Variants in ABCG1 observed in about 807,000 individuals in gnomAD.
ABCG1 encodes the protein ATP binding cassette subfamily G member 1.
A neutral mutation model predicts 69.2 loss-of-function variants in ABCG1; 29 were observed. The observed-to-expected ratio is 0.42, with a 90% CI of 0.31 to 0.57. The LOEUF (loss-of-function observed/expected upper bound fraction) is 0.57, where lower values mean the gene tolerates loss of function less well. Ranked by LOEUF, ABCG1 falls within the 20% of genes least tolerant of loss-of-function variation. The pLI, the probability that ABCG1 is intolerant of heterozygous loss-of-function variation, is 0.15. For missense variants in ABCG1, 718 were observed against 898.1 expected (o/e 0.80, Z 2.56); for synonymous variants, 370 against 374.8 (o/e 0.99, Z 0.15).
intron 5 of ABCG1, among the ~76,000 whole-genome samples, chr21:42,282,057 G>C (rs1429485044): frequency 6.6e-6 from 1 of 152,246 alleles, no homozygotes; most frequent in Non-Finnish European, 1.5e-5. Context: ...CCTCTGGGCA[G>C]TCTCTGTCCC....
chr21:42,256,872 A>C (rs2068314652), intron 2 of ABCG1, among the ~76,000 whole-genome samples: 1 of 152,240 alleles, frequency 6.6e-6, no homozygotes, highest in Non-Finnish European at 1.5e-5. Context: ...TGGCTATGTC[A>C]GCGCAGCTGT....
chr21:42,292,832 T>TAC (rs2069095419), intron 13 of ABCG1, among the ~76,000 whole-genome samples: 1 of 79,696 alleles, frequency 1.3e-5, no homozygotes, highest in African/African-American at 5.1e-5. Flanking sequence ...CCACACACAC[T>TAC]ACACACCACA....
chr21:42,271,005 A>G (rs1217683412), intron 2 of ABCG1, 65 bp from the exon 3 acceptor site: 29 of 1,163,178 alleles, frequency 2.5e-5, no homozygotes, highest in Non-Finnish European at 3.0e-5. Context: ...GTACTTGAAC[A>G]TTTGCATATT....
At chr21:42,272,388 G>A (rs948801777) in intron 3 of ABCG1, among the ~76,000 whole-genome samples, 10 of 152,354 alleles carry the variant, frequency 6.6e-5, no homozygotes, top group Admixed American at 2.0e-4. Context: ...CAGACCTGGG[G>A]ATCCAGGGGA....
chr21:42,255,584 A>G (rs225378), intron 2 of ABCG1, among the ~76,000 whole-genome samples: 84,989 of 152,110 alleles, frequency 0.56, 24,326 homozygotes, highest in Middle Eastern at 0.71. Context: ...TAATAGGCAG[A>G]AGGAGCGCAC....
rs186019940 is a variant in ABCG1, at chr21:42,291,300, T to C, written c.1494+108T>C. 1 of 1,176,526 alleles carries C rather than the reference T, an allele frequency of 8.5e-7. No individual in the cohort carries two copies. Among genetic ancestry groups the C allele is most frequent in the East Asian group, 2.5e-5 (1 of 40,004 alleles). 72.9% of individuals were successfully genotyped at this position (1,176,526 alleles called of 1,614,324 possible). A position where few individuals can be genotyped will look rare whatever the true frequency, so the allele number is the denominator to read the frequency against. On this transcript the variant is annotated intron_variant, in intron 12 of 14. Coordinates refer to ENST00000398449, the MANE Select transcript of ABCG1 (RefSeq NM_016818.3). This position sits in a 1 kb window ranked among gnomAD's most constrained non-coding sequence, Gnocchi z 6.4. ...GGGATGCAGGGTGACATGGCCCGAC[T>C]TCGGGAGCTCTGGTGGGAGCTGCGG...
Position 42,219,719 on chromosome 21 carries a change from G to C in ABCG1, c.42+415G>C. The C allele has an allele frequency of 9.4e-7, 1 of 1,068,366 alleles. No homozygotes were observed. The highest frequency in any genetic ancestry group is 1.7e-5 in the South Asian group (1 of 59,894). The allele number at this position is 1,068,366 out of a possible 1,614,324, so 66.2% of individuals were successfully genotyped here. On this transcript the variant is annotated intron_variant, in intron 1 of 14. Transcript: ENST00000398449. The surrounding 1 kb of genome is among the most constrained non-coding windows in gnomAD (Gnocchi z 5.3). ...GACTTGAAGAAGGGGAGCCCCGCGC[G>C]CGCGGCTGTGGGCTTGGGGACCGGG...
intron 11 of ABCG1, among the ~76,000 whole-genome samples, chr21:42,290,795 G>C (rs1300385420): frequency 6.6e-6 from 1 of 152,188 alleles, no homozygotes; most frequent in Admixed American, 6.5e-5. Context: ...AGTTTCAGAA[G>C]AGGCAGACTC....
intron 2 of ABCG1, among the ~76,000 whole-genome samples, chr21:42,259,158 G>A (rs909187563): frequency 2.0e-5 from 3 of 152,198 alleles, no homozygotes; most frequent in African/African-American, 7.2e-5. Context: ...CCCCTGCCTG[G>A]GAGACATGTC....
rs1012871678 is a variant in ABCG1 at position 42,252,155 on chromosome 21, G to A, written c.287-18915G>A. On this transcript the variant is annotated intron_variant, in intron 2 of 14. Coordinates refer to ENST00000398449, the MANE Select transcript of ABCG1 (RefSeq NM_016818.3). ...TGTGCCATTGCCCGGACAAGAAGGAGCTGTTGGCTGTCATTCTTTCCAGAA... is the reference window on the plus strand; with the variant it reads ...TGTGCCATTGCCCGGACAAGAAGGAACTGTTGGCTGTCATTCTTTCCAGAA... 3.3e-5 allele frequency among the ~76,000 whole-genome samples: 5 copies of A among 152,330 alleles called. No individual in the cohort carries two copies. The East Asian group carries it at 9.6e-4, about 29-fold the overall frequency.
chr21:42,290,936 A>G (rs191391462), intron 11 of ABCG1, among the ~76,000 whole-genome samples, 156 bp from the exon 12 acceptor site: 115 of 152,334 alleles, frequency 7.5e-4, no homozygotes, highest in Non-Finnish European at 1.4e-3. Flanking sequence ...GGCGTTTTTC[A>G]GGCTAGCAAA....
At chr21:42,246,088 C>T (rs1295500426) in intron 2 of ABCG1, among the ~76,000 whole-genome samples, 1 of 152,150 alleles carries the variant, frequency 6.6e-6, no homozygotes, top group East Asian at 1.9e-4. Context: ...CTGATGAGTA[C>T]AGGGAGGGAG....
Position 42,285,930 on chromosome 21 carries a change from T to TATG in ABCG1, c.909_910insATG (p.Asn303_Leu304insMet). Reference sequence around the variant, plus strand: ...GTGTGTACCGGGGAAAAGTCTGCAATCTTGTGCCATATTTGAGGGATTTGG... The same window carrying TATG: ...GTGTGTACCGGGGAAAAGTCTGCAATATGCTTGTGCCATATTTGAGGGATTTGG... On this transcript the variant is annotated inframe_insertion, in exon 8 of 15. Transcript: ENST00000398449. 1 of 1,614,132 alleles carries TATG rather than the reference T, an allele frequency of 6.2e-7. No individual in the cohort carries two copies. The highest frequency in any genetic ancestry group is 8.5e-7 in the Non-Finnish European group (1 of 1,180,032).
At chr21:42,209,357 T>C (rs895403005) in intron 2 of ABCG1, among the ~76,000 whole-genome samples, 1 of 152,212 alleles carries the variant, frequency 6.6e-6, no homozygotes, top group Non-Finnish European at 1.5e-5. Context: ...TCATGCACAT[T>C]ACAACATTTT....
At chr21:42,224,563 C>A (rs1184676411) in intron 1 of ABCG1, among the ~76,000 whole-genome samples, 2 of 152,176 alleles carry the variant, frequency 1.3e-5, no homozygotes, top group Non-Finnish European at 2.9e-5. Flanking sequence ...TCACTTGGCA[C>A]CTTTAGTTTT....
At position 42,252,411 on chromosome 21, in the gene ABCG1, G is replaced by A. The variant is rs550583301; in HGVS notation, c.287-18659G>A. 3.3e-5 allele frequency among the ~76,000 whole-genome samples: 5 copies of A among 152,288 alleles called. No homozygotes were observed. The South Asian group carries it at 1.0e-3, about 32-fold the overall frequency. ...ATTAAGCAGAACCCAGCTCCTTAAT[G>A]TCTGTGTGTGGACGGGCCAAGTGCG... On this transcript the variant is annotated intron_variant, in intron 2 of 14. Coordinates refer to ENST00000398449, the MANE Select transcript of ABCG1 (RefSeq NM_016818.3).
intron 5 of ABCG1, among the ~76,000 whole-genome samples, chr21:42,278,302 C>T (rs543464490): frequency 6.6e-6 from 1 of 152,240 alleles, no homozygotes; most frequent in African/African-American, 2.4e-5. Flanking sequence ...CCACAACACA[C>T]ACACCACCTC....
chr21:42,296,713 C>T lies in ABCG1; in HGVS notation c.*321C>T. 1 of 375,554 alleles carries T rather than the reference C, an allele frequency of 2.7e-6. No homozygotes were observed. The highest frequency in any genetic ancestry group is 5.0e-6 in the Non-Finnish European group (1 of 198,342). The allele number at this position is 375,554 out of a possible 1,614,324, so 23.3% of individuals were successfully genotyped here. A position where few individuals can be genotyped will look rare whatever the true frequency, so the allele number is the denominator to read the frequency against. On this transcript the variant is annotated 3_prime_UTR_variant, in exon 15 of 15. Coordinates refer to ENST00000398449, the MANE Select transcript of ABCG1 (RefSeq NM_016818.3). The surrounding 1 kb of genome is among the most constrained non-coding windows in gnomAD (Gnocchi z 5.4). Reference sequence around the variant, plus strand: ...CACAGCTGGTGATGAGAGGCTTCCTCAGTCCAGTCGCTCCTTAGCACCAGG... The same window carrying T: ...CACAGCTGGTGATGAGAGGCTTCCTTAGTCCAGTCGCTCCTTAGCACCAGG...
At chr21:42,215,431 TAA>T (rs2123480780), upstream of ABCG1, among the ~76,000 whole-genome samples, 1 of 152,318 alleles carries the variant, frequency 6.6e-6, no homozygotes, top group East Asian at 1.9e-4. Context: ...CCAGATGGAA[TAA>T]GAGTTCTCTT....
Sources: allele counts gnomAD v4.1 joint callset (sites outside exome capture counted in the v4.1 genomes callset), GRCh38; gene constraint gnomAD v4.1.1; non-coding constraint Gnocchi (gnomAD v3.1); transcripts MANE v1.5; gene names NCBI Gene and HGNC (gene_info 2026-07-23, HGNC 2026-07-21).